Variants in TIMP2 observed in about 807,000 individuals in gnomAD.
TIMP2 encodes metalloproteinase inhibitor 2.
Under a neutral mutation model 24.3 loss-of-function variants are expected in TIMP2, and 5 were observed. The observed-to-expected ratio is 0.21, with a 90% CI of 0.11 to 0.43. The LOEUF is 0.43. Among genes scored for constraint, TIMP2 ranks in the 20% least tolerant of loss-of-function variants. The pLI is 1.00. For synonymous variants in TIMP2, 130 were observed against 123.2 expected, an observed-to-expected ratio of 1.06 and a Z score of -0.37; for missense variants, 221 against 297.5, an observed-to-expected ratio of 0.74 and a Z score of 1.89.
chr17:78,891,488 T>C lies in TIMP2; in HGVS notation c.131-17569A>G. The C allele has an allele frequency of 6.4e-7, 1 of 1,551,220 alleles. No homozygotes were observed. On this transcript the variant is annotated intron_variant, in intron 1 of 4. Coordinates refer to ENST00000262768, the MANE Select transcript of TIMP2 (RefSeq NM_003255.5). The surrounding 1 kb of genome is among the most constrained non-coding windows in gnomAD (Gnocchi z 4.5). ...CTCTTCAAAGGCCAACTCCAGCTCT[T>C]TCTGCCACTTGTTCTTCTCCCGGAG...
rs540397728 is a variant in TIMP2 at position 78,871,011 on chromosome 17, A to G, written c.232-5T>C. The stretch of plus-strand genomic sequence containing the variant: ...CTTCTCAGGCCCTTTGAACATCTGG[A>G]AAGACAAGGAGGAGGACATGTAAGC... On this transcript the variant is annotated splice_region_variant and splice_polypyrimidine_tract_variant and intron_variant, in intron 2 of 4. Transcript: ENST00000262768. 2 of 1,610,418 alleles carry G rather than the reference A, an allele frequency of 1.2e-6. No homozygotes were observed. Among genetic ancestry groups the G allele is most frequent in the South Asian group, 2.2e-5 (2 of 90,394 alleles).
rs1224615820 is a variant in TIMP2, at chr17:78,855,820, G to A, written c.510C>T (p.Asp170=). The change falls in exon 5 of 5, where the codon GAC becomes GAT. Residue 170 remains aspartate, a synonymous_variant. Coordinates refer to ENST00000262768, the MANE Select transcript of TIMP2 (RefSeq NM_003255.5). The surrounding 1 kb of genome is among the most constrained non-coding windows in gnomAD (Gnocchi z 6.0). ...PMIPCYISSP[D]ECLWMDWVTE... ...TGACCCAGTCCATCCAGAGGCACTCGTCCGGGGAGGAGATGTAGCACGGGA... is the reference window on the plus strand; with the variant it reads ...TGACCCAGTCCATCCAGAGGCACTCATCCGGGGAGGAGATGTAGCACGGGA... The A allele has an allele frequency of 1.5e-5, 24 of 1,614,022 alleles. No homozygotes were observed. Among genetic ancestry groups the A allele is most frequent in the Middle Eastern group, 1.6e-4 (1 of 6,082 alleles).
At chr17:78,919,167 G>C (rs887496988) in intron 1 of TIMP2, among the ~76,000 whole-genome samples, 2 of 152,268 alleles carry the variant, frequency 1.3e-5, no homozygotes, top group African/African-American at 4.8e-5. Flanking sequence ...GCCCGCTCCA[G>C]CACGCGGAGT....
intron 1 of TIMP2, among the ~76,000 whole-genome samples, chr17:78,881,493 C>G (rs2069780001): frequency 6.6e-6 from 1 of 152,254 alleles, no homozygotes. Context: ...AGACCAGTGG[C>G]CACTGCATGC....
At chr17:78,867,745 G>A (rs970370653) in intron 3 of TIMP2, among the ~76,000 whole-genome samples, 4 of 151,540 alleles carry the variant, frequency 2.6e-5, no homozygotes, top group Admixed American at 6.6e-5. Flanking sequence ...ACAGGCGCCC[G>A]CCACCACGCC....
chr17:78,918,065 A>C (rs71368043), intron 1 of TIMP2, among the ~76,000 whole-genome samples: 4,194 of 144,770 alleles, frequency 0.029, 101 homozygotes, highest in African/African-American at 0.067. Flanking sequence ...TGCACACACA[A>C]ACACACACAC....
At chr17:78,921,058 C>T (rs986877104) in intron 1 of TIMP2, among the ~76,000 whole-genome samples, 2 of 152,220 alleles carry the variant, frequency 1.3e-5, no homozygotes, top group Non-Finnish European at 1.5e-5. Flanking sequence ...AAAAGCGCCA[C>T]GCCGCCCCCT....
chr17:78,897,378 G>C (rs1437055926), intron 1 of TIMP2: 1 of 152,118 alleles, frequency 6.6e-6, no homozygotes, highest in Non-Finnish European at 1.5e-5. Flanking sequence ...TAGAGCCTTG[G>C]GGTGGGCCTG....
At chr17:78,879,085 G>C (rs976900610) in intron 1 of TIMP2, among the ~76,000 whole-genome samples, 13 of 152,216 alleles carry the variant, frequency 8.5e-5, no homozygotes, top group Admixed American at 3.3e-4. Flanking sequence ...GGTACCTGTC[G>C]GGGGTTGTTG....
intron 1 of TIMP2, among the ~76,000 whole-genome samples, chr17:78,914,843 TC>T (rs2070242235): frequency 6.6e-6 from 1 of 151,744 alleles, no homozygotes; most frequent in African/African-American, 2.4e-5. Flanking sequence ...CGCCTCAGCC[TC>T]CCAAAGTGCT....
intron 3 of TIMP2, among the ~76,000 whole-genome samples, chr17:78,860,993 G>A (rs960585452): frequency 1.2e-4 from 17 of 147,428 alleles, no homozygotes; most frequent in Non-Finnish European, 7.4e-5. Context: ...CCAAGATCGC[G>A]CCATTGCACT....
intron 1 of TIMP2, among the ~76,000 whole-genome samples, chr17:78,914,965 C>T (rs901496662): frequency 2.2e-4 from 33 of 149,296 alleles, no homozygotes; most frequent in South Asian, 1.5e-3. Flanking sequence ...GGCACGATCT[C>T]GGCTCACTGC....
chr17:78,886,977 C>T (rs925529489), intron 1 of TIMP2, among the ~76,000 whole-genome samples: 1 of 151,118 alleles, frequency 6.6e-6, no homozygotes, highest in Non-Finnish European at 1.5e-5. Context: ...CTGCTTTGGC[C>T]TCCCAGAGTG....
intron 1 of TIMP2, among the ~76,000 whole-genome samples, chr17:78,919,915 C>T (rs1369451336): frequency 6.6e-6 from 1 of 152,176 alleles, no homozygotes; most frequent in East Asian, 1.9e-4. Context: ...CCTGTGCGTG[C>T]ACCGGGGGAC....
At chr17:78,918,604 C>G (rs550736265) in intron 1 of TIMP2, among the ~76,000 whole-genome samples, 1 of 152,332 alleles carries the variant, frequency 6.6e-6, no homozygotes, top group South Asian at 2.1e-4. Flanking sequence ...TACTCCACCC[C>G]CCGACACTGA....
chr17:78,880,599 G>C (rs1055971003), intron 1 of TIMP2, among the ~76,000 whole-genome samples: 1 of 152,168 alleles, frequency 6.6e-6, no homozygotes, highest in South Asian at 2.1e-4. Flanking sequence ...TATAGTCCCA[G>C]CTACTCAGGA....
chr17:78,856,315 G>A lies in TIMP2; in HGVS notation c.466-451C>T, dbSNP rs539099407. The A allele has an allele frequency of 3.0e-4, 53 of 175,566 alleles. No individual in the cohort carries two copies. The South Asian group carries it at 6.2e-3, about 21-fold the overall frequency. The allele number at this position is 175,566 out of a possible 1,614,324, so 10.9% of individuals were successfully genotyped here. On this transcript the variant is annotated intron_variant, in intron 4 of 4. Coordinates refer to ENST00000262768, the MANE Select transcript of TIMP2 (RefSeq NM_003255.5). ...CAAGAGGATGACCGCCTTCACCACC[G>A]TGGAAAGAAAAAGGAAAAACTTGCT...
chr17:78,887,736 GAAA>G (rs34363852), intron 1 of TIMP2, among the ~76,000 whole-genome samples: 3 of 127,534 alleles, frequency 2.4e-5, no homozygotes, highest in African/African-American at 5.5e-5. Context: ...TTTTTCTGGG[GAAA>G]AAAAAAAAAA....
intron 3 of TIMP2, among the ~76,000 whole-genome samples, chr17:78,868,805 C>T (rs1227153104): frequency 6.6e-6 from 1 of 152,170 alleles, no homozygotes; most frequent in Admixed American, 6.5e-5. Flanking sequence ...GGTGCAGAGA[C>T]CGCTTCCATC....
Sources: allele counts gnomAD v4.1 joint callset (sites outside exome capture counted in the v4.1 genomes callset), GRCh38; gene constraint gnomAD v4.1.1; non-coding constraint Gnocchi (gnomAD v3.1); transcripts MANE v1.5; gene names NCBI Gene and HGNC (gene_info 2026-07-23, HGNC 2026-07-21).